Variants in KCNJ6 observed in about 807,000 individuals in gnomAD.
The protein encoded by KCNJ6 is potassium inwardly rectifying channel subfamily J member 6.
Under a neutral mutation model 34.2 loss-of-function variants are expected in KCNJ6, and 9 were observed. The ratio of observed to expected loss-of-function variants is 0.26; its 90% confidence interval spans 0.16 to 0.46. The LOEUF is 0.46. KCNJ6 is among the 20% of genes least tolerant of loss of function. The pLI, the probability that KCNJ6 is intolerant of heterozygous loss-of-function variation, is 1.00. For synonymous variants in KCNJ6, 196 were observed against 207.1 expected (o/e 0.95, Z 0.46); for missense variants, 236 against 531.3 (o/e 0.44, Z 5.46).
Position 37,625,631 on chromosome 21 carries a change from G to T in KCNJ6, c.947-147C>A, listed in dbSNP as rs916470395. 21 of 613,274 alleles carry T rather than the reference G, an allele frequency of 3.4e-5. 1 individual carries two copies. The South Asian group carries it at 4.3e-4, about 13-fold the overall frequency. The allele number at this position is 613,274 out of a possible 1,614,324, so 38.0% of individuals were successfully genotyped here. On this transcript the variant is annotated intron_variant, in intron 3 of 3. Coordinates refer to ENST00000609713, the MANE Select transcript of KCNJ6 (RefSeq NM_002240.5). The stretch of plus-strand genomic sequence containing the variant: ...ACACTTAGTAGGTGTCATTCATGTT[G>T]TAGACACATGCTAATGTGCCATGGA...
intron 1 of KCNJ6, among the ~76,000 whole-genome samples, chr21:37,887,685 C>T (rs887410911): frequency 2.0e-5 from 3 of 152,088 alleles, no homozygotes; most frequent in South Asian, 2.1e-4. Context: ...CAAGAAGAAA[C>T]AGGATGGATG....
chr21:37,722,032 C>T (rs1160464992), intron 2 of KCNJ6, among the ~76,000 whole-genome samples: 1 of 152,164 alleles, frequency 6.6e-6, no homozygotes, highest in Non-Finnish European at 1.5e-5. Context: ...TAATATGATT[C>T]TATACCTAAA....
intron 2 of KCNJ6, among the ~76,000 whole-genome samples, chr21:37,820,708 T>C (rs911262137): frequency 6.6e-6 from 1 of 152,258 alleles, no homozygotes; most frequent in Non-Finnish European, 1.5e-5. Context: ...TCCTCATCAC[T>C]TTGGCAAACC....
rs970378754 is a variant in KCNJ6 at position 37,613,336 on chromosome 21, G to A, written c.*11823C>T. ...CAACGGGAACCCTCATTCATCGCTAGTGGAATGCAAAACAGTACAGCCACT... is the reference window on the plus strand; with the variant it reads ...CAACGGGAACCCTCATTCATCGCTAATGGAATGCAAAACAGTACAGCCACT... On this transcript the variant is annotated 3_prime_UTR_variant, in exon 4 of 4. Transcript: ENST00000609713. 4 of 152,244 alleles carry A rather than the reference G, an allele frequency of 2.6e-5. No homozygotes were observed. Among genetic ancestry groups the A allele is most frequent in the Non-Finnish European group, 5.9e-5 (4 of 68,052 alleles). The allele number at this position is 152,244 out of a possible 1,614,324, so 9.4% of individuals were successfully genotyped here.
intron 3 of KCNJ6, among the ~76,000 whole-genome samples, chr21:37,649,563 C>T (rs571583015): frequency 1.3e-4 from 20 of 152,176 alleles, no homozygotes; most frequent in East Asian, 5.8e-4. Context: ...AGGCTGTCTG[C>T]GGCACCACCG....
At chr21:37,789,237 C>A (rs1415288057) in intron 2 of KCNJ6, among the ~76,000 whole-genome samples, 2 of 152,168 alleles carry the variant, frequency 1.3e-5, no homozygotes, top group East Asian at 3.8e-4. Context: ...GAATTGTGTT[C>A]CCCCACATTT....
intron 2 of KCNJ6, among the ~76,000 whole-genome samples, chr21:37,744,056 G>A (rs543101873): frequency 2.0e-5 from 3 of 149,004 alleles, no homozygotes; most frequent in South Asian, 4.3e-4. Flanking sequence ...ATAGTATATC[G>A]CAAGGACAAA....
intron 2 of KCNJ6, among the ~76,000 whole-genome samples, chr21:37,778,668 T>C (rs2055154012): frequency 1.3e-5 from 2 of 151,316 alleles, no homozygotes; most frequent in South Asian, 4.2e-4. Flanking sequence ...CCCTTCCCAC[T>C]ACATTGTGTG....
chr21:37,642,053 G>A (rs1037355607), intron 3 of KCNJ6, among the ~76,000 whole-genome samples: 6 of 152,276 alleles, frequency 3.9e-5, no homozygotes, highest in Non-Finnish European at 5.9e-5. Context: ...AAGATGATAC[G>A]TTTGGTTTTG....
At chr21:37,823,904 T>C (rs2055386052) in intron 2 of KCNJ6, among the ~76,000 whole-genome samples, 1 of 138 alleles carries the variant, frequency 7.2e-3, no homozygotes, top group South Asian at 0.25. Context: ...CCATACGGTA[T>C]GGTGACTGTG....
intron 3 of KCNJ6, among the ~76,000 whole-genome samples, chr21:37,647,817 A>G (rs2054412669): frequency 6.6e-6 from 1 of 152,156 alleles, no homozygotes; most frequent in African/African-American, 2.4e-5. Context: ...CCCCAATGAC[A>G]TGGTGTGGCC....
At chr21:37,804,290 T>C (rs2055283179) in intron 2 of KCNJ6, among the ~76,000 whole-genome samples, 1 of 152,130 alleles carries the variant, frequency 6.6e-6, no homozygotes, top group Non-Finnish European at 1.5e-5. Flanking sequence ...CCTCAAAAGG[T>C]TAAACATTGA....
intron 3 of KCNJ6, among the ~76,000 whole-genome samples, chr21:37,701,867 T>G (rs1376640493): frequency 2.6e-5 from 4 of 152,122 alleles, no homozygotes; most frequent in African/African-American, 9.7e-5. Context: ...CCAAAGATTT[T>G]TCCAAGTGCA....
intron 1 of KCNJ6, among the ~76,000 whole-genome samples, chr21:37,912,655 T>G (rs2055872581): frequency 1.3e-5 from 2 of 152,202 alleles, no homozygotes; most frequent in South Asian, 4.1e-4. Context: ...TAAACTAAAT[T>G]ATGGATAAAC....
At chr21:37,814,127 T>C (rs2055335089) in intron 2 of KCNJ6, among the ~76,000 whole-genome samples, 1 of 152,222 alleles carries the variant, frequency 6.6e-6, no homozygotes. Context: ...AAAGGAGATA[T>C]ACAAATGTCC....
intron 2 of KCNJ6, among the ~76,000 whole-genome samples, chr21:37,751,367 A>C (rs1460857303): frequency 6.6e-6 from 1 of 152,254 alleles, no homozygotes; most frequent in Admixed American, 6.5e-5. Flanking sequence ...CCTGCTAAGG[A>C]GCATGGGCTC....
chr21:37,850,753 G>A (rs1164284689), intron 1 of KCNJ6, among the ~76,000 whole-genome samples: 2 of 152,156 alleles, frequency 1.3e-5, no homozygotes, highest in Non-Finnish European at 2.9e-5. Context: ...GTCTAATGAT[G>A]CAATGTTGTA....
intron 2 of KCNJ6, among the ~76,000 whole-genome samples, chr21:37,803,596 G>A (rs908700467): frequency 3.3e-5 from 5 of 152,228 alleles, no homozygotes; most frequent in East Asian, 1.9e-4. Flanking sequence ...TGTAGCAGAC[G>A]TCACCACTGT....
At chr21:37,721,229 C>T (rs949442657) in intron 2 of KCNJ6, among the ~76,000 whole-genome samples, 2 of 152,082 alleles carry the variant, frequency 1.3e-5, no homozygotes, top group Non-Finnish European at 2.9e-5. Flanking sequence ...TAATGAGATA[C>T]CACTTCACAT....
Sources: allele counts gnomAD v4.1 joint callset (sites outside exome capture counted in the v4.1 genomes callset), GRCh38; gene constraint gnomAD v4.1.1; transcripts MANE v1.5; gene names NCBI Gene and HGNC (gene_info 2026-07-23, HGNC 2026-07-21).